The following DAPK1 variants were observed in gnomAD, a reference collection of about 807,000 sequenced individuals.
DAPK1 encodes the protein death associated protein kinase 1.
In DAPK1, 56 loss-of-function variants were observed where a neutral mutation model predicts 144.9. The ratio of observed to expected loss-of-function variants is 0.39; its 90% CI spans 0.31 to 0.48. DAPK1 has a LOEUF of 0.48. Ranked by LOEUF, DAPK1 falls within the 20% of genes least tolerant of loss-of-function variation. The pLI, the probability that DAPK1 is intolerant of heterozygous loss-of-function variation, is 0.95. For missense variants in DAPK1, 1,454 were observed against 1,875.4 expected, an observed-to-expected ratio of 0.78 and a Z score of 4.15; for synonymous variants, 690 against 749.0, an observed-to-expected ratio of 0.92 and a Z score of 1.29.
chr9:87,560,399 G>T (rs1478392842), intron 2 of DAPK1, among the ~76,000 whole-genome samples: 1 of 152,144 alleles, frequency 6.6e-6, no homozygotes, highest in East Asian at 1.9e-4. Context: ...GTGCAACTGA[G>T]TTGTGTCAGC....
chr9:87,666,270 GAGTGACCCAC>G (rs1831049674), intron 18 of DAPK1, among the ~76,000 whole-genome samples: 1 of 152,114 alleles, frequency 6.6e-6, no homozygotes, highest in Non-Finnish European at 1.5e-5. Context: ...TGGGAAGGCT[GAGTGACCCAC>G]CACATAGCCG....
chr9:87,556,823 T>C (rs1486816470), intron 2 of DAPK1, among the ~76,000 whole-genome samples: 2 of 152,112 alleles, frequency 1.3e-5, no homozygotes, highest in African/African-American at 4.8e-5. Context: ...TTGTTTCTAG[T>C]AGGGAGTGAG....
chr9:87,586,708 T>C (rs868355292), intron 2 of DAPK1, among the ~76,000 whole-genome samples: 1 of 152,228 alleles, frequency 6.6e-6, no homozygotes, highest in African/African-American at 2.4e-5. Context: ...AGTGCGAAGT[T>C]CATTTTCATA....
At chr9:87,660,177 C>T (rs1830791470) in intron 18 of DAPK1, among the ~76,000 whole-genome samples, 1 of 152,004 alleles carries the variant, frequency 6.6e-6, no homozygotes, top group Non-Finnish European at 1.5e-5. Flanking sequence ...ATGTCTGGAG[C>T]TGGCGTGGAG....
intron 14 of DAPK1, 167 bp from the exon 15 acceptor site, chr9:87,648,614 C>A: frequency 1.6e-6 from 1 of 607,564 alleles, no homozygotes; most frequent in South Asian, 2.0e-5. Flanking sequence ...ACACCCCAAC[C>A]TCAGGTCCCC....
chr9:87,566,424 T>C (rs1827128617), intron 2 of DAPK1, among the ~76,000 whole-genome samples: 1 of 152,186 alleles, frequency 6.6e-6, no homozygotes. Context: ...AAGTAGAATC[T>C]ATATATCTCC....
intron 18 of DAPK1, among the ~76,000 whole-genome samples, chr9:87,659,322 G>A (rs1039727508): frequency 5.3e-5 from 8 of 152,090 alleles, no homozygotes; most frequent in African/African-American, 1.7e-4. Flanking sequence ...GTCACCCACC[G>A]CAAACGCACA....
intron 2 of DAPK1, among the ~76,000 whole-genome samples, chr9:87,551,869 G>A (rs138768809): frequency 8.7e-4 from 133 of 152,266 alleles, no homozygotes; most frequent in Middle Eastern, 3.4e-3. Flanking sequence ...AGGGGCGGGC[G>A]CTGCTGATAG....
At chr9:87,584,843 A>G (rs911734392) in intron 2 of DAPK1, among the ~76,000 whole-genome samples, 3 of 152,016 alleles carry the variant, frequency 2.0e-5, no homozygotes, top group African/African-American at 7.2e-5. Context: ...CGCCTGGCTA[A>G]TTTTTGTATT....
intron 2 of DAPK1, among the ~76,000 whole-genome samples, chr9:87,561,481 G>C (rs1043177120): frequency 4.6e-5 from 7 of 152,016 alleles, no homozygotes; most frequent in Non-Finnish European, 8.8e-5. Flanking sequence ...AGCCGAGATG[G>C]CACCACTGCA....
intron 9 of DAPK1, among the ~76,000 whole-genome samples, chr9:87,641,713 G>A (rs1001705170): frequency 1.1e-4 from 17 of 152,168 alleles, no homozygotes; most frequent in African/African-American, 4.1e-4. Context: ...AACTATCAGT[G>A]TGGAAAGTTG....
intron 21 of DAPK1, among the ~76,000 whole-genome samples, chr9:87,690,420 C>T (rs1424563824): frequency 6.6e-6 from 1 of 151,898 alleles, no homozygotes; most frequent in Non-Finnish European, 1.5e-5. Flanking sequence ...TTGGTGGAGT[C>T]TTTAGGTTTC....
At chr9:87,667,733 A>AT (rs1250695521) in intron 18 of DAPK1, 2 of 151,998 alleles carry the variant, frequency 1.3e-5, no homozygotes, top group African/African-American at 4.8e-5. Flanking sequence ...ATTCATTTTC[A>AT]TTTTTTTAAA....
rs1564002137 is a variant in DAPK1, at chr9:87,573,619, CTT to C, written c.63-31334_63-31333del. Among the ~76,000 whole-genome samples, 22 of 152,334 alleles carry C rather than the reference CTT, an allele frequency of 1.4e-4. No homozygotes were observed. The East Asian group carries it at 4.2e-3, about 29-fold the overall frequency. On this transcript the variant is annotated intron_variant, in intron 2 of 25. Transcript: ENST00000408954. ...CTCTTCCTGACCACCAAGGATCAGACTTCTGGAAGAAGAAAGTGGCTTCAACT... is the reference window on the plus strand; with the variant it reads ...CTCTTCCTGACCACCAAGGATCAGACCTGGAAGAAGAAAGTGGCTTCAACT...
chr9:87,512,349 C>G (rs1445899819), intron 2 of DAPK1, among the ~76,000 whole-genome samples: 1 of 152,062 alleles, frequency 6.6e-6, no homozygotes. Flanking sequence ...ACCTGAGTCC[C>G]TGACCAAGAG....
intron 2 of DAPK1, among the ~76,000 whole-genome samples, chr9:87,573,589 G>A (rs1230649620): frequency 6.6e-6 from 1 of 152,174 alleles, no homozygotes; most frequent in Non-Finnish European, 1.5e-5. Context: ...GCTGTGCTGT[G>A]CCACCTCTTC....
intron 16 of DAPK1, among the ~76,000 whole-genome samples, chr9:87,650,922 A>G (rs145765387): frequency 1.6e-4 from 25 of 152,290 alleles, no homozygotes; most frequent in Admixed American, 4.6e-4. Flanking sequence ...GAGAAACCCT[A>G]GCACAGTAGG....
Position 87,638,053 on chromosome 9 carries a change from C to G in DAPK1, c.395C>G (p.Ser132Cys), listed in dbSNP as rs367617639. 6 of 1,613,002 alleles carry G rather than the reference C, an allele frequency of 3.7e-6. No homozygotes were observed. The African/African-American group carries it at 5.3e-5, about 14-fold the overall frequency. ...CTTAATGGTGTTTACTACCTGCACT[C>G]CCTTCAAATCGCCCACTTTGATCTT... is the stretch of plus-strand genomic sequence containing the variant. ...QILNGVYYLH[S>C]LQIAHFDLKP... is the part of the protein sequence containing the mutation. The change falls in exon 4 of 26, where the codon TCC becomes TGC. Residue 132 changes from serine (S) to cysteine (C), a missense_variant. By Grantham distance (112) the Ser-to-Cys change is moderately radical. This residue lies in a region of DAPK1 where 429 missense variants were observed against 637.5 expected (regional missense o/e 0.67). Coordinates refer to ENST00000408954, the MANE Select transcript of DAPK1 (RefSeq NM_004938.4).
At chr9:87,682,629 TGAG>T (rs1824679530) in intron 20 of DAPK1, among the ~76,000 whole-genome samples, 1 of 152,122 alleles carries the variant, frequency 6.6e-6, no homozygotes, top group South Asian at 2.1e-4. Context: ...AGAATTGAAA[TGAG>T]GAGAAGAAAG....
Sources: allele counts gnomAD v4.1 joint callset (sites outside exome capture counted in the v4.1 genomes callset), GRCh38; gene constraint gnomAD v4.1.1; regional missense constraint gnomAD v4.1.1; transcripts MANE v1.5; gene names NCBI Gene and HGNC (gene_info 2026-07-23, HGNC 2026-07-21).